Variants in LRCH3 observed in about 807,000 individuals in gnomAD.
LRCH3 encodes leucine rich repeats and calponin homology domain containing 3.
In LRCH3, 68 loss-of-function variants were observed where a neutral mutation model predicts 104.5. The ratio of observed to expected loss-of-function variants is 0.65; its 90% CI spans 0.54 to 0.80. The LOEUF is 0.80. Among genes scored for constraint, LRCH3 ranks in the 30% least tolerant of loss-of-function variants. The pLI, the probability that LRCH3 is intolerant of heterozygous loss-of-function variation, is 0.00. For synonymous variants in LRCH3, 344 were observed against 361.3 expected, an observed-to-expected ratio of 0.95 and a Z score of 0.54; for missense variants, 951 against 953.9, an observed-to-expected ratio of 1.00 and a Z score of 0.04.
rs1740038989 is a variant in LRCH3, at chr3:197,854,804, A to T, written c.1644+359A>T. On this transcript the variant is annotated intron_variant, in intron 14 of 20. Coordinates refer to ENST00000425562, the MANE Select transcript of LRCH3 (RefSeq NM_001365715.1). The surrounding 1 kb of genome is among the most constrained non-coding windows in gnomAD (Gnocchi z 4.5). ...CATGGGTCACCTATATGTTAAGGTG[A>T]CTCATGACACTGATTGCACAGCTGT... Among the ~76,000 whole-genome samples, 1 of 152,010 alleles carries T rather than the reference A, an allele frequency of 6.6e-6. No homozygotes were observed. Among genetic ancestry groups the T allele is most frequent in the African/African-American group, 2.4e-5 (1 of 41,394 alleles).
Position 197,852,631 on chromosome 3 carries a change from G to T in LRCH3, c.1590+11G>T. On this transcript the variant is annotated intron_variant, in intron 13 of 20. Transcript: ENST00000425562. Reference sequence around the variant, plus strand: ...GGCGTAGATGGTGAGGTAAGTTGATGTAATCTCCTTTTCTTTGGAGTTGAT... The same window carrying T: ...GGCGTAGATGGTGAGGTAAGTTGATTTAATCTCCTTTTCTTTGGAGTTGAT... 6.2e-7 allele frequency: 1 copy of T among 1,612,650 alleles called. No individual in the cohort carries two copies. The highest frequency in any genetic ancestry group is 8.5e-7 in the Non-Finnish European group (1 of 1,178,882).
At position 197,835,708 on chromosome 3, in the gene LRCH3, C is replaced by T; in HGVS notation, c.1137C>T (p.Asp379=). The change falls in exon 9 of 21, where the codon GAC becomes GAT. Residue 379 remains aspartate (D), a synonymous_variant. Transcript: ENST00000425562. ...ATCTGGATCAGATTGACTACATAGACAGCTGCACCGCAGAGGAAGAGGAGG... is the reference window on the plus strand; with the variant it reads ...ATCTGGATCAGATTGACTACATAGATAGCTGCACCGCAGAGGAAGAGGAGG... The part of the protein sequence containing the change: ...EHDLDQIDYI[D]SCTAEEEEAE... The T allele has an allele frequency of 6.2e-7, 1 of 1,613,604 alleles. No homozygotes were observed. The highest frequency in any genetic ancestry group is 2.2e-5 in the East Asian group (1 of 44,844).
intron 2 of LRCH3, among the ~76,000 whole-genome samples, chr3:197,815,363 T>C (rs189816568): frequency 1.3e-5 from 2 of 152,314 alleles, no homozygotes; most frequent in East Asian, 3.9e-4. Flanking sequence ...TTAAATGTGC[T>C]CAAAACACTT....
intron 1 of LRCH3, among the ~76,000 whole-genome samples, chr3:197,801,507 T>G (rs752537065): frequency 1.9e-4 from 29 of 152,256 alleles, no homozygotes; most frequent in Non-Finnish European, 2.9e-4. Flanking sequence ...TGAGGCTAAC[T>G]TCTTCATTGT....
At chr3:197,829,759 A>T in intron 6 of LRCH3, 86 bp downstream of exon 6, 1 of 887,336 alleles carries the variant, frequency 1.1e-6, no homozygotes, top group Admixed American at 2.7e-5. Context: ...TGAATGTTTG[A>T]CTAAAGGGAA....
At position 197,878,715 on chromosome 3, in the gene LRCH3, C is replaced by T. The variant is rs148376326; in HGVS notation, c.2208+2940C>T. ...AACAAAGTGAAAGAAAATGAATAAACGCACAAACTCGTAGGTTCAAACTAG... is the reference window on the plus strand; with the variant it reads ...AACAAAGTGAAAGAAAATGAATAAATGCACAAACTCGTAGGTTCAAACTAG... On this transcript the variant is annotated intron_variant, in intron 20 of 20. Coordinates refer to ENST00000425562, the MANE Select transcript of LRCH3 (RefSeq NM_001365715.1). Among the ~76,000 whole-genome samples the T allele has an allele frequency of 5.1e-3, 772 of 152,286 alleles. 12 individuals carry two copies. Among genetic ancestry groups the T allele is most frequent in the African/African-American group, 0.017 (713 of 41,556 alleles).
chr3:197,832,288 G>A lies in LRCH3; in HGVS notation c.1073G>A (p.Arg358His), dbSNP rs201329913. The A allele has an allele frequency of 1.1e-4, 174 of 1,613,704 alleles. No individual in the cohort carries two copies. The highest frequency in any genetic ancestry group is 2.0e-4 in the East Asian group (9 of 44,884). Residue 358 changes from arginine (R) to histidine (H), a missense_variant, in exon 8 of 21, where the codon CGC becomes CAC. By Grantham distance (29) the Arg-to-His change is conservative (BLOSUM62 0). Transcript: ENST00000425562. ...LRRESQYQEN[R>H]GSLVVTNGGV... ...AGAGAAAGCCAGTACCAAGAGAACCGCGGCAGTTTGGTAGTAACAAACGGC... is the reference window on the plus strand; with the variant it reads ...AGAGAAAGCCAGTACCAAGAGAACCACGGCAGTTTGGTAGTAACAAACGGC...
intron 4 of LRCH3, among the ~76,000 whole-genome samples, chr3:197,825,464 ATTTTTTTTTTTTTTTTTTT>A (rs58237989): frequency 5.0e-5 from 1 of 20,068 alleles, no homozygotes; most frequent in South Asian, 2.0e-3. Context: ...ATCCTCTTTG[ATTTTTTTTTTTTTTTTTTT>A]TTTTTTTTTT....
chr3:197,836,187 G>C (rs939590441), intron 9 of LRCH3, among the ~76,000 whole-genome samples: 3 of 152,190 alleles, frequency 2.0e-5, no homozygotes, highest in African/African-American at 7.2e-5. Flanking sequence ...AGTTTGGTCA[G>C]TAGTTAATTA....
intron 10 of LRCH3, among the ~76,000 whole-genome samples, chr3:197,847,136 G>A (rs1738857068): frequency 6.6e-6 from 1 of 152,196 alleles, no homozygotes; most frequent in Admixed American, 6.5e-5. Context: ...TGTTTGCAAG[G>A]TGATCTCAAT....
intron 1 of LRCH3, among the ~76,000 whole-genome samples, chr3:197,798,841 A>G (rs998192946): frequency 2.0e-5 from 3 of 152,234 alleles, no homozygotes; most frequent in Non-Finnish European, 2.9e-5. Context: ...ATTAAAATAG[A>G]AATTTAAAAC....
intron 1 of LRCH3, among the ~76,000 whole-genome samples, chr3:197,795,127 A>G (rs1731042699): frequency 6.6e-6 from 1 of 152,204 alleles, no homozygotes; most frequent in Non-Finnish European, 1.5e-5. Flanking sequence ...CTTGAAGCAG[A>G]AAGGATATAA....
chr3:197,850,523 G>T, intron 12 of LRCH3: 11 of 1,591,344 alleles, frequency 6.9e-6, no homozygotes, highest in Admixed American at 1.7e-5. Flanking sequence ...TCTCAATGTG[G>T]CAGGGAGAGC....
intron 10 of LRCH3, among the ~76,000 whole-genome samples, chr3:197,846,871 CT>C (rs978295205): frequency 1.5e-4 from 22 of 150,534 alleles, no homozygotes; most frequent in African/African-American, 4.4e-4. Context: ...GGAAGTACTA[CT>C]TTTTTTTTGT....
intron 1 of LRCH3, among the ~76,000 whole-genome samples, chr3:197,792,577 T>TTTTATATATATATATATATATATA (rs1553912028): frequency 4.4e-4 from 9 of 20,344 alleles, no homozygotes; most frequent in African/African-American, 1.0e-3. Flanking sequence ...CCAGCTAATT[T>TTTTATATATATATATATATATATA]TATATATATA....
rs1471536210 is a variant in LRCH3, at chr3:197,856,104, C to T, written c.1644+1659C>T. On this transcript the variant is annotated intron_variant, in intron 14 of 20. Coordinates refer to ENST00000425562, the MANE Select transcript of LRCH3 (RefSeq NM_001365715.1). The surrounding 1 kb of genome is among the most constrained non-coding windows in gnomAD (Gnocchi z 4.2). The stretch of plus-strand genomic sequence containing the variant: ...TTCCCATCTCAGACCTTTGCAAATG[C>T]TGTTTCTTTTACATAGAATGCCTTT... Among the ~76,000 whole-genome samples, 1 of 152,142 alleles carries T rather than the reference C, an allele frequency of 6.6e-6. No individual in the cohort carries two copies. Among genetic ancestry groups the T allele is most frequent in the Non-Finnish European group, 1.5e-5 (1 of 68,032 alleles).
intron 1 of LRCH3, 129 bp downstream of exon 1, chr3:197,791,669 G>T: frequency 9.1e-7 from 1 of 1,096,574 alleles, no homozygotes; most frequent in African/African-American, 1.7e-5. Context: ...CCCGGGTAAC[G>T]GGGAGAAGCC....
chr3:197,847,198 G>A (rs1278473868), intron 10 of LRCH3, among the ~76,000 whole-genome samples: 1 of 152,220 alleles, frequency 6.6e-6, no homozygotes, highest in Non-Finnish European at 1.5e-5. Flanking sequence ...CACATGAAAC[G>A]TGAGTTGGAG....
chr3:197,845,162 A>G (rs1738465860), intron 10 of LRCH3, among the ~76,000 whole-genome samples: 1 of 152,168 alleles, frequency 6.6e-6, no homozygotes, highest in Non-Finnish European at 1.5e-5. Context: ...TAATCCCAGC[A>G]CTTTGAGAGG....
Sources: allele counts gnomAD v4.1 joint callset (sites outside exome capture counted in the v4.1 genomes callset), GRCh38; gene constraint gnomAD v4.1.1; non-coding constraint Gnocchi (gnomAD v3.1); transcripts MANE v1.5; gene names NCBI Gene and HGNC (gene_info 2026-07-23, HGNC 2026-07-21).